Variants in FRMD4A observed in about 807,000 individuals in gnomAD.
The protein encoded by FRMD4A is FERM domain-containing protein 4A.
In FRMD4A, 29 loss-of-function variants were observed where a neutral mutation model predicts 129.1. The ratio of observed to expected loss-of-function variants is 0.22; its 90% confidence interval spans 0.17 to 0.31. FRMD4A has a LOEUF of 0.31. Ranked by LOEUF, FRMD4A falls within the 10% of genes least tolerant of loss-of-function variation. FRMD4A has a pLI of 1.00. For missense variants in FRMD4A, 1,272 were observed against 1,375.8 expected, an observed-to-expected ratio of 0.92 and a Z score of 1.19; for synonymous variants, 634 against 571.6, an observed-to-expected ratio of 1.11 and a Z score of -1.56.
chr10:13,876,041 C>T (rs183222488), intron 2 of FRMD4A, among the ~76,000 whole-genome samples: 1 of 152,320 alleles, frequency 6.6e-6, no homozygotes, highest in Admixed American at 6.5e-5. Flanking sequence ...TTTGAACAAG[C>T]ATCATTGCTC....
intron 2 of FRMD4A, among the ~76,000 whole-genome samples, chr10:14,141,579 C>G (rs992028157): frequency 1.2e-4 from 11 of 89,680 alleles, no homozygotes; most frequent in African/African-American, 4.7e-4. Flanking sequence ...AACCCCTTCT[C>G]TACCCCTGCC....
intron 3 of FRMD4A, among the ~76,000 whole-genome samples, chr10:13,828,538 T>TC (rs1554923865): frequency 1.8e-4 from 25 of 142,630 alleles, no homozygotes; most frequent in South Asian, 1.4e-3. Flanking sequence ...TTTCTTTCTT[T>TC]TTTTTTTTTT....
intron 2 of FRMD4A, among the ~76,000 whole-genome samples, chr10:14,154,006 A>T (rs1434242531): frequency 6.6e-6 from 1 of 151,596 alleles, no homozygotes; most frequent in Non-Finnish European, 1.5e-5. Flanking sequence ...TCCTGCTGTC[A>T]CCTCGCCATC....
intron 2 of FRMD4A, among the ~76,000 whole-genome samples, chr10:14,165,737 G>A (rs1216465138): frequency 6.6e-6 from 1 of 152,190 alleles, no homozygotes; most frequent in Non-Finnish European, 1.5e-5. Context: ...ATTATCTTAA[G>A]CAAATTAATG....
At chr10:14,193,004 A>G (rs1000957320) in intron 2 of FRMD4A, among the ~76,000 whole-genome samples, 25 of 152,370 alleles carry the variant, frequency 1.6e-4, no homozygotes, top group African/African-American at 5.3e-4. Context: ...GCTGACTCCA[A>G]CATCAAGGAC....
intron 6 of FRMD4A, among the ~76,000 whole-genome samples, chr10:13,767,697 A>G (rs752187819): frequency 6.6e-6 from 1 of 152,170 alleles, no homozygotes; most frequent in African/African-American, 2.4e-5. Flanking sequence ...GGAGCAGAAG[A>G]CACTTCCCGG....
chr10:14,084,941 C>T (rs988560037), intron 2 of FRMD4A, among the ~76,000 whole-genome samples: 5 of 152,312 alleles, frequency 3.3e-5, no homozygotes, highest in African/African-American at 1.2e-4. Context: ...GGCTTGTCTC[C>T]TACTCTTGGG....
At chr10:13,737,105 T>C (rs1216133650) in intron 12 of FRMD4A, among the ~76,000 whole-genome samples, 2 of 152,376 alleles carry the variant, frequency 1.3e-5, no homozygotes, top group Non-Finnish European at 2.9e-5. Context: ...TGTTTTTTGT[T>C]TTGAGACAAA....
rs565608988 is a variant in FRMD4A, at chr10:14,268,750, A to T, written c.45+61308T>A. ...CATGTGTATGCATGAGACAATCAGA[A>T]GCAATGTTCTTCCTGGGCTAAGCCA... On this transcript the variant is annotated intron_variant, in intron 2 of 24. Transcript: ENST00000357447. Among the ~76,000 whole-genome samples the T allele has an allele frequency of 6.6e-5, 10 of 152,354 alleles. No homozygotes were observed. In the East Asian group the frequency reaches 7.7e-4, roughly 12 times the overall value.
At chr10:13,997,675 T>G (rs2095627739) in intron 2 of FRMD4A, among the ~76,000 whole-genome samples, 1 of 150,926 alleles carries the variant, frequency 6.6e-6, no homozygotes, top group Non-Finnish European at 1.5e-5. Flanking sequence ...CAGGCTGGAT[T>G]GCAGTGATGT....
At position 13,713,886 on chromosome 10, in the gene FRMD4A, T is replaced by C. The variant is rs9664241; in HGVS notation, c.760-6773A>G. Among the ~76,000 whole-genome samples the C allele has an allele frequency of 8.9e-4, 105 of 118,330 alleles. 7 individuals carry two copies. Among genetic ancestry groups the C allele is most frequent in the African/African-American group, 2.9e-3 (95 of 32,220 alleles). The allele number at this position is 118,330 out of a possible 152,430, so 77.6% of individuals were successfully genotyped here. A position where few individuals can be genotyped will look rare whatever the true frequency, so the allele number is the denominator to read the frequency against. On this transcript the variant is annotated intron_variant, in intron 12 of 24. Transcript: ENST00000357447. ...TATATATACATATATGTAATATATA[T>C]ACATATATAATATATACATATATGT...
chr10:14,077,744 A>G (rs1332152126), intron 2 of FRMD4A, among the ~76,000 whole-genome samples: 2 of 152,222 alleles, frequency 1.3e-5, no homozygotes, highest in Admixed American at 6.5e-5. Context: ...ATCTGTTTGA[A>G]TTGTGGCTTG....
intron 12 of FRMD4A, among the ~76,000 whole-genome samples, chr10:13,735,647 T>C (rs964994096): frequency 1.3e-5 from 2 of 152,150 alleles, no homozygotes; most frequent in Non-Finnish European, 1.5e-5. Context: ...TGAATACTTG[T>C]TAGCATGTCC....
At chr10:14,215,698 G>A (rs181595331) in intron 2 of FRMD4A, among the ~76,000 whole-genome samples, 17 of 152,224 alleles carry the variant, frequency 1.1e-4, no homozygotes, top group African/African-American at 4.1e-4. Flanking sequence ...GGTTCTATTT[G>A]AGGATCTTGG....
chr10:13,883,163 T>C (rs41336145), intron 2 of FRMD4A, among the ~76,000 whole-genome samples: 10,251 of 152,162 alleles, frequency 0.067, 534 homozygotes, highest in South Asian at 0.22. Flanking sequence ...TCAGTTTCAT[T>C]GGCAAGAAGC....
At chr10:13,694,110 G>C (rs746370984) in intron 14 of FRMD4A, 71 bp from the exon 15 acceptor site, 1 of 1,298,508 alleles carries the variant, frequency 7.7e-7, no homozygotes, top group African/African-American at 1.5e-5. Flanking sequence ...TCCCTCGCCC[G>C]CGCCTGCTCA....
intron 3 of FRMD4A, among the ~76,000 whole-genome samples, chr10:13,856,181 TA>T (rs1293717399): frequency 2.6e-5 from 4 of 151,302 alleles, no homozygotes; most frequent in African/African-American, 9.7e-5. Flanking sequence ...TATGTATAGG[TA>T]GATAGTGTGT....
chr10:14,120,476 T>C (rs1838444256), intron 2 of FRMD4A, among the ~76,000 whole-genome samples: 1 of 152,198 alleles, frequency 6.6e-6, no homozygotes, highest in Non-Finnish European at 1.5e-5. Flanking sequence ...AGCAAATGTT[T>C]GCTGAATGAA....
At chr10:14,128,038 T>TTCCC (rs1564319875) in intron 2 of FRMD4A, among the ~76,000 whole-genome samples, 21 of 126,900 alleles carry the variant, frequency 1.7e-4, no homozygotes, top group African/African-American at 2.5e-4. Flanking sequence ...CTTCCTTCCT[T>TTCCC]TCTTTCCCTC....
Sources: allele counts gnomAD v4.1 joint callset (sites outside exome capture counted in the v4.1 genomes callset), GRCh38; gene constraint gnomAD v4.1.1; transcripts MANE v1.5; gene names NCBI Gene and HGNC (gene_info 2026-07-23, HGNC 2026-07-21).